The following NRXN1 variants were observed in gnomAD, a reference collection of about 807,000 sequenced individuals.
The protein encoded by NRXN1 is neurexin 1, also known as neurexin-1.
Under a neutral mutation model 150.9 loss-of-function variants are expected in NRXN1, and 39 were observed. The ratio of observed to expected loss-of-function variants is 0.26; its 90% CI spans 0.20 to 0.34. The LOEUF is 0.34. NRXN1 is among the 10% of genes least tolerant of loss of function. The pLI is 1.00. For synonymous variants in NRXN1, 924 were observed against 757.0 expected (o/e 1.22, Z -3.62); for missense variants, 1,815 against 1,949.9 (o/e 0.93, Z 1.30).
At chr2:50,839,125 T>G (rs1017293370) in intron 5 of NRXN1, among the ~76,000 whole-genome samples, 1 of 152,182 alleles carries the variant, frequency 6.6e-6, no homozygotes, top group African/African-American at 2.4e-5. Flanking sequence ...CTTTAAGCTA[T>G]TTTATTTAGT....
At chr2:50,782,739 T>C (rs1018281179) in intron 5 of NRXN1, among the ~76,000 whole-genome samples, 9 of 152,192 alleles carry the variant, frequency 5.9e-5, no homozygotes, top group African/African-American at 1.9e-4. Context: ...CTCCAGAATG[T>C]AATCATTATT....
chr2:50,947,902 C>A (rs1324976115), intron 2 of NRXN1, among the ~76,000 whole-genome samples: 1 of 151,920 alleles, frequency 6.6e-6, no homozygotes, highest in Admixed American at 6.6e-5. Flanking sequence ...GATAAGTTTA[C>A]ATAAGCCACA....
intron 5 of NRXN1, among the ~76,000 whole-genome samples, chr2:50,645,753 T>G (rs748517070): frequency 2.0e-5 from 3 of 152,042 alleles, no homozygotes; most frequent in Admixed American, 6.6e-5. Flanking sequence ...TCTACTACCC[T>G]TTTAAACTTT....
At chr2:50,190,911 C>A (rs1297540634) in intron 18 of NRXN1, among the ~76,000 whole-genome samples, 1 of 151,678 alleles carries the variant, frequency 6.6e-6, no homozygotes, top group Non-Finnish European at 1.5e-5. Flanking sequence ...CCACACCCGG[C>A]CTACACCTCC....
rs191005252 is a variant in NRXN1, at chr2:50,457,118, A to G, written c.3364+8324T>C. On this transcript the variant is annotated intron_variant, in intron 17 of 22. Transcript: ENST00000401669. ...AGAAAATTCCCATCTCTCTTTCATA[A>G]TCAGTACCTTTTTAATAACAGAGCT... Among the ~76,000 whole-genome samples the G allele has an allele frequency of 2.2e-4, 34 of 152,236 alleles. No homozygotes were observed. The East Asian group carries it at 6.2e-3, about 28-fold the overall frequency.
At chr2:50,534,189 GAAATT>G in intron 10 of NRXN1, among the ~76,000 whole-genome samples, 1 of 151,742 alleles carries the variant, frequency 6.6e-6, no homozygotes, top group South Asian at 2.1e-4. Flanking sequence ...GCTTACCAAA[GAAATT>G]AAGTATTTAT....
At chr2:50,859,454 G>A (rs971814656) in intron 5 of NRXN1, among the ~76,000 whole-genome samples, 1 of 151,994 alleles carries the variant, frequency 6.6e-6, no homozygotes, top group African/African-American at 2.4e-5. Context: ...AAGGAATTCT[G>A]CAAACATATA....
intron 15 of NRXN1, among the ~76,000 whole-genome samples, chr2:50,489,018 T>A (rs2091070281): frequency 6.6e-6 from 1 of 152,166 alleles, no homozygotes; most frequent in Non-Finnish European, 1.5e-5. Flanking sequence ...GGCACAAATG[T>A]CACCACCTTG....
chr2:50,132,050 A>G lies in NRXN1; in HGVS notation c.3547-40556T>C, dbSNP rs535272376. Among the ~76,000 whole-genome samples, 5 of 152,308 alleles carry G rather than the reference A, an allele frequency of 3.3e-5. No individual in the cohort carries two copies. The South Asian group carries it at 1.0e-3, about 32-fold the overall frequency. Reference sequence around the variant, plus strand: ...ACCTTTTTCCATTTGCAATTCTAAAACAACTTCCAGGTGCCATGTGCTGTT... The same window carrying G: ...ACCTTTTTCCATTTGCAATTCTAAAGCAACTTCCAGGTGCCATGTGCTGTT... On this transcript the variant is annotated intron_variant, in intron 18 of 22. Transcript: ENST00000401669.
intron 17 of NRXN1, among the ~76,000 whole-genome samples, chr2:50,274,757 A>G (rs1253807908): frequency 6.6e-6 from 1 of 152,038 alleles, no homozygotes; most frequent in Non-Finnish European, 1.5e-5. Context: ...TTAACAAATT[A>G]TAGTCAAAAA....
chr2:50,528,703 G>C, intron 11 of NRXN1, 52 bp from the exon 12 acceptor site: 2 of 1,158,470 alleles, frequency 1.7e-6, no homozygotes, highest in Non-Finnish European at 1.3e-6. Flanking sequence ...CAAGGTAATA[G>C]CTGCAGACAT....
At chr2:50,556,471 G>A (rs1304770093) in intron 8 of NRXN1, among the ~76,000 whole-genome samples, 4 of 147,434 alleles carry the variant, frequency 2.7e-5, no homozygotes, top group Non-Finnish European at 6.0e-5. Context: ...ATTTGGATCT[G>A]TTTATAGAAC....
chr2:50,242,337 T>C (rs1184001996), intron 17 of NRXN1, among the ~76,000 whole-genome samples: 1 of 151,824 alleles, frequency 6.6e-6, no homozygotes, highest in African/African-American at 2.4e-5. Context: ...GACCACATTG[T>C]ATGCAAAAAG....
chr2:49,978,040 T>A (rs1679295004), intron 21 of NRXN1, among the ~76,000 whole-genome samples: 1 of 152,032 alleles, frequency 6.6e-6, no homozygotes, highest in South Asian at 2.1e-4. Flanking sequence ...CAGGTGCCTG[T>A]AATCCCAGCT....
At chr2:50,984,528 G>A (rs1697381121) in intron 2 of NRXN1, among the ~76,000 whole-genome samples, 1 of 151,768 alleles carries the variant, frequency 6.6e-6, no homozygotes, top group Admixed American at 6.6e-5. Flanking sequence ...TCCAGAGAAG[G>A]GAACTAAAAA....
chr2:50,869,191 AAC>A (rs1314180059), intron 5 of NRXN1, among the ~76,000 whole-genome samples: 2 of 151,814 alleles, frequency 1.3e-5, no homozygotes, highest in Non-Finnish European at 2.9e-5. Context: ...AGCAATTAAT[AAC>A]AGTCTGAAAT....
intron 18 of NRXN1, among the ~76,000 whole-genome samples, chr2:50,230,607 C>A (rs1257851888): frequency 6.6e-6 from 1 of 151,768 alleles, no homozygotes; most frequent in Admixed American, 6.6e-5. Context: ...GTATGTGAAC[C>A]GAGAAGAAGC....
chr2:50,374,468 A>G (rs1373421284), intron 17 of NRXN1, among the ~76,000 whole-genome samples: 1 of 152,098 alleles, frequency 6.6e-6, no homozygotes, highest in South Asian at 2.1e-4. Context: ...ATCAACCATC[A>G]TAAATAAACT....
chr2:50,721,513 C>A (rs1446737675), intron 5 of NRXN1, among the ~76,000 whole-genome samples: 1 of 152,108 alleles, frequency 6.6e-6, no homozygotes, highest in Admixed American at 6.5e-5. Context: ...CAAGGGCCAC[C>A]TCATTTCTCA....
Sources: allele counts gnomAD v4.1 joint callset (sites outside exome capture counted in the v4.1 genomes callset), GRCh38; gene constraint gnomAD v4.1.1; transcripts MANE v1.5; gene names NCBI Gene and HGNC (gene_info 2026-07-23, HGNC 2026-07-21).